CDKN2B-AS1: variants seen among roughly 807,000 people sequenced by gnomAD.
CDKN2B-AS1 encodes the protein CDKN2B antisense RNA 1 (non-protein coding).
intron 4 of CDKN2B-AS1, among the ~76,000 whole-genome samples, chr9:22,071,291 T>A (rs1035130727): frequency 0.041 from 911 of 22,246 alleles, 18 homozygotes; most frequent in African/African-American, 0.11. Flanking sequence ...CTAGCTTTTT[T>A]TTTTTTTTTT....
chr9:22,028,235 T>C (rs1435014837), intron 1 of CDKN2B-AS1, among the ~76,000 whole-genome samples: 1 of 152,124 alleles, frequency 6.6e-6, no homozygotes, highest in Non-Finnish European at 1.5e-5. Context: ...TTTAAAATAT[T>C]TTTTGTTATA....
intron 4 of CDKN2B-AS1, among the ~76,000 whole-genome samples, chr9:22,087,393 C>T (rs1824899763): frequency 6.6e-6 from 1 of 152,174 alleles, no homozygotes; most frequent in Admixed American, 6.5e-5. Context: ...TCCCTGATGA[C>T]ATTGAACCAT....
intron 4 of CDKN2B-AS1, among the ~76,000 whole-genome samples, chr9:22,103,749 T>C (rs7022719): frequency 0.045 from 6,850 of 152,302 alleles, 456 homozygotes; most frequent in African/African-American, 0.15. Flanking sequence ...CCCTGTATTG[T>C]ACTCCTTTAA....
At chr9:22,066,907 C>T (rs1402741386) in intron 4 of CDKN2B-AS1, among the ~76,000 whole-genome samples, 1 of 152,052 alleles carries the variant, frequency 6.6e-6, no homozygotes, top group Non-Finnish European at 1.5e-5. Context: ...GAGTTCTTGT[C>T]CTTTGTAGGG....
At chr9:22,008,724 C>T (rs779222136) in intron 1 of CDKN2B-AS1, 11 of 1,611,198 alleles carry the variant, frequency 6.8e-6, no homozygotes, top group South Asian at 1.1e-5. Context: ...GATCTAGGTT[C>T]CAGCCCCGAT....
rs1235557639 is a variant in CDKN2B-AS1 at position 21,999,714 on chromosome 9, G to A, written n.29+4553G>A. ...CAAGAAAGAGAAAAATGATTGACAT[G>A]CTTGTGAGGAGACTTTTTTTGTTGT... On this transcript the variant is annotated intron_variant and non_coding_transcript_variant, in intron 1 of 4. Transcript: ENST00000650946. This position sits in a 1 kb window ranked among gnomAD's most constrained non-coding sequence, Gnocchi z 4.7. Among the ~76,000 whole-genome samples, 1 of 152,074 alleles carries A rather than the reference G, an allele frequency of 6.6e-6. No homozygotes were observed. Among genetic ancestry groups the A allele is most frequent in the Non-Finnish European group, 1.5e-5 (1 of 67,988 alleles).
exon 5 of CDKN2B-AS1, among the ~76,000 whole-genome samples, chr9:22,127,956 T>C (rs1403036087): frequency 6.6e-6 from 1 of 152,182 alleles, no homozygotes; most frequent in Non-Finnish European, 1.5e-5. Context: ...GTAAGGATGC[T>C]ACAACTGGTA....
chr9:22,110,127 G>A (rs1414568476), intron 4 of CDKN2B-AS1, among the ~76,000 whole-genome samples: 1 of 152,086 alleles, frequency 6.6e-6, no homozygotes, highest in East Asian at 1.9e-4. Flanking sequence ...CCCTAGTTAG[G>A]ATAGTTTGAA....
intron 4 of CDKN2B-AS1, among the ~76,000 whole-genome samples, chr9:22,102,474 A>G (rs1012309194): frequency 6.6e-6 from 1 of 152,198 alleles, no homozygotes; most frequent in African/African-American, 2.4e-5. Context: ...AGTCTGTCCA[A>G]GAGCCTCTGC....
At chr9:22,103,783 G>T (rs140062359) in intron 4 of CDKN2B-AS1, among the ~76,000 whole-genome samples, 306 of 152,214 alleles carry the variant, frequency 2.0e-3, no homozygotes, top group African/African-American at 6.9e-3. Flanking sequence ...CTTTTTAAAT[G>T]CTGAGGCAAG....
chr9:22,088,488 T>C (rs749119666), intron 4 of CDKN2B-AS1, among the ~76,000 whole-genome samples: 2 of 152,020 alleles, frequency 1.3e-5, no homozygotes, highest in Non-Finnish European at 2.9e-5. Flanking sequence ...AGAAGGTCAG[T>C]AGGTTCACAG....
At chr9:22,094,090 T>C (rs1825190211) in intron 4 of CDKN2B-AS1, among the ~76,000 whole-genome samples, 1 of 144,358 alleles carries the variant, frequency 6.9e-6, no homozygotes, top group Admixed American at 6.7e-5. Context: ...TTAGTTTGGC[T>C]GGATATGAAA....
intron 4 of CDKN2B-AS1, among the ~76,000 whole-genome samples, chr9:22,103,340 A>G (rs1825555650): frequency 6.6e-6 from 1 of 152,068 alleles, no homozygotes; most frequent in Non-Finnish European, 1.5e-5. Context: ...GAGCTTGGCT[A>G]TTGGGGCATT....
chr9:22,115,839 CTG>C (rs1825935989), intron 4 of CDKN2B-AS1, among the ~76,000 whole-genome samples: 1 of 152,044 alleles, frequency 6.6e-6, no homozygotes. Context: ...TTAAATAAAA[CTG>C]AGATATGTAA....
Position 22,001,884 on chromosome 9 carries a change from A to G in CDKN2B-AS1, n.29+6723A>G, listed in dbSNP as rs1053987731. Among the ~76,000 whole-genome samples, 11 of 152,122 alleles carry G rather than the reference A, an allele frequency of 7.2e-5. No homozygotes were observed. The East Asian group carries it at 7.7e-4, about 11-fold the overall frequency. On this transcript the variant is annotated intron_variant and non_coding_transcript_variant, in intron 1 of 4. Coordinates refer to ENST00000650946, the Ensembl canonical transcript of CDKN2B-AS1. This position sits in a 1 kb window ranked among gnomAD's most constrained non-coding sequence, Gnocchi z 4.2. ...ACCAATGTGGGAATCTAGGTCTTCT[A>G]TCTTCCAGTCAAGTCCTTGTTTCAC...
chr9:22,126,642 G>C (rs901512625), intron 4 of CDKN2B-AS1, among the ~76,000 whole-genome samples: 1 of 135,168 alleles, frequency 7.4e-6, no homozygotes, highest in Admixed American at 8.7e-5. Context: ...GCGCTATCTC[G>C]GCTCACTGCA....
At chr9:22,113,416 A>C (rs187288099) in intron 4 of CDKN2B-AS1, among the ~76,000 whole-genome samples, 175 of 152,304 alleles carry the variant, frequency 1.1e-3, no homozygotes, top group African/African-American at 4.0e-3. Flanking sequence ...TTAAGAGTTT[A>C]TGGGATTAGA....
At chr9:22,094,935 T>G (rs911176355) in intron 4 of CDKN2B-AS1, among the ~76,000 whole-genome samples, 2 of 144,384 alleles carry the variant, frequency 1.4e-5, no homozygotes, top group Admixed American at 1.3e-4. Flanking sequence ...TTTCCCATCT[T>G]TGTGGTTTTA....
chr9:22,048,526 G>C (rs551361663), intron 2 of CDKN2B-AS1, among the ~76,000 whole-genome samples: 1 of 152,078 alleles, frequency 6.6e-6, no homozygotes, highest in Non-Finnish European at 1.5e-5. Context: ...ATACATATAC[G>C]TACATACTTT....
Sources: gnomAD v4.1 joint callset for allele counts (sites outside exome capture counted in the v4.1 genomes callset) on GRCh38, gnomAD v4.1.1 for gene constraint, Gnocchi (gnomAD v3.1) non-coding constraint, MANE v1.5 for transcripts, NCBI Gene and HGNC (gene_info 2026-07-23, HGNC 2026-07-21) for gene names.